Variants in SCML4 observed in about 807,000 individuals in gnomAD.
SCML4 encodes sex comb on midleg-like protein 4.
Under a neutral mutation model 41.1 loss-of-function variants are expected in SCML4, and 34 were observed. That is an observed-to-expected ratio of 0.83 (90% confidence interval 0.63 to 1.10). SCML4 has a LOEUF of 1.10. SCML4 is among the 50% of genes least tolerant of loss of function. The probability of loss-of-function intolerance (pLI) is 0.00; values close to 1 mark genes in which losing one functional copy is unlikely to be tolerated. For synonymous variants in SCML4, 214 were observed against 220.9 expected, an observed-to-expected ratio of 0.97 and a Z score of 0.28; for missense variants, 522 against 534.1, an observed-to-expected ratio of 0.98 and a Z score of 0.22.
chr6:107,824,333 C>T (rs1785157365), upstream of SCML4: 1 of 152,212 alleles, frequency 6.6e-6, no homozygotes, highest in Non-Finnish European at 1.5e-5. Context: ...AGGCAGAAAA[C>T]TCGATTTACC....
intron 1 of SCML4, among the ~76,000 whole-genome samples, chr6:107,803,506 G>A (rs1783451879): frequency 1.3e-5 from 2 of 149,692 alleles, no homozygotes; most frequent in Non-Finnish European, 3.0e-5. Flanking sequence ...CTACTGGGAA[G>A]TGAGGAGCCC....
intron 5 of SCML4, among the ~76,000 whole-genome samples, chr6:107,732,739 T>C (rs1469990251): frequency 6.6e-6 from 1 of 152,176 alleles, no homozygotes; most frequent in East Asian, 1.9e-4. Flanking sequence ...CTTATGAGAA[T>C]TCCCGAGAGC....
At chr6:107,844,092 A>C in the SCML4 span, among the ~76,000 whole-genome samples, 1 of 152,248 alleles carries the variant, frequency 6.6e-6, no homozygotes, top group Non-Finnish European at 1.5e-5. Flanking sequence ...ATGTGCTTGC[A>C]AAAGAAAAGC....
the SCML4 span, among the ~76,000 whole-genome samples, chr6:107,832,324 T>C: frequency 1 from 152,139 of 152,316 alleles, 75,983 homozygotes; most frequent in Middle Eastern, 1. Context: ...TGGTCAATAA[T>C]GTCACCAAAG....
At chr6:107,797,521 C>A (rs1042893789) in intron 1 of SCML4, among the ~76,000 whole-genome samples, 4 of 151,952 alleles carry the variant, frequency 2.6e-5, no homozygotes, top group African/African-American at 4.8e-5. Context: ...TATAGTAAGG[C>A]TTTTTGTACA....
intron 2 of SCML4, among the ~76,000 whole-genome samples, chr6:107,759,393 G>A (rs1002288664): frequency 1.4e-5 from 2 of 146,876 alleles, no homozygotes; most frequent in Non-Finnish European, 3.0e-5. Flanking sequence ...AGAATGGATG[G>A]GGAAGTGGAG....
In SCML4 at chr6:107,808,303, T is replaced by C. The variant is rs867662659; in HGVS notation, c.-60+15823A>G. 8.5e-5 allele frequency among the ~76,000 whole-genome samples: 13 copies of C among 152,304 alleles called. 1 individual carries two copies. In the South Asian group the frequency reaches 1.5e-3, roughly 17 times the overall value. Reference sequence around the variant, plus strand: ...CTCCTTGCCCATCAGAAAGATATTATCAAATCATGCAGCAAGAGAAGGTGA... The same window carrying C: ...CTCCTTGCCCATCAGAAAGATATTACCAAATCATGCAGCAAGAGAAGGTGA... On this transcript the variant is annotated intron_variant, in intron 1 of 7. Coordinates refer to ENST00000369020, the MANE Select transcript of SCML4 (RefSeq NM_198081.5).
intron 1 of SCML4, among the ~76,000 whole-genome samples, chr6:107,790,548 G>A (rs1012247151): frequency 5.9e-5 from 9 of 152,114 alleles, no homozygotes; most frequent in Middle Eastern, 3.2e-3. Context: ...TGCAACAGCC[G>A]TTAAGTCAAT....
intron 1 of SCML4, among the ~76,000 whole-genome samples, chr6:107,794,123 G>T (rs778335628): frequency 6.6e-6 from 1 of 152,214 alleles, no homozygotes; most frequent in Admixed American, 6.5e-5. Context: ...GACCCAAGGG[G>T]CAGAGGTAGT....
intron 1 of SCML4, among the ~76,000 whole-genome samples, chr6:107,815,914 C>G (rs939858427): frequency 6.6e-6 from 1 of 152,192 alleles, no homozygotes; most frequent in African/African-American, 2.4e-5. Flanking sequence ...TCAAAAATGC[C>G]TTTCGAAGTG....
chr6:107,721,814 C>T (rs866735411), intron 5 of SCML4, among the ~76,000 whole-genome samples: 4 of 152,234 alleles, frequency 2.6e-5, no homozygotes, highest in South Asian at 2.1e-4. Flanking sequence ...TCCTCCGCCA[C>T]GGCTAACAAG....
intron 2 of SCML4, among the ~76,000 whole-genome samples, chr6:107,750,816 C>G (rs1344422738): frequency 1.3e-5 from 2 of 152,192 alleles, no homozygotes; most frequent in Non-Finnish European, 2.9e-5. Flanking sequence ...TTTCTATGAG[C>G]TCCCAGGTAC....
At chr6:107,774,725 G>T (rs1780784490) in intron 1 of SCML4, among the ~76,000 whole-genome samples, 1 of 152,006 alleles carries the variant, frequency 6.6e-6, no homozygotes, top group Non-Finnish European at 1.5e-5. Flanking sequence ...GTCAACAAGA[G>T]AAAACCCATG....
chr6:107,749,532 TG>T, intron 3 of SCML4, 151 bp downstream of exon 3: 3 of 882,188 alleles, frequency 3.4e-6, no homozygotes, highest in Non-Finnish European at 5.4e-6. Context: ...TCAAAGACTC[TG>T]GTCATCCTGT....
rs191558900 is a variant in SCML4, at chr6:107,800,430, A to G, written c.-60+23696T>C. Among the ~76,000 whole-genome samples, 17 of 152,122 alleles carry G rather than the reference A, an allele frequency of 1.1e-4. No homozygotes were observed. In the East Asian group the frequency reaches 3.1e-3, roughly 28 times the overall value. On this transcript the variant is annotated intron_variant, in intron 1 of 7. Transcript: ENST00000369020. ...TTACCTGTTGTTTGCCCAATACCCAACCAGTCTCATCTATTTTTTGTTTAC... is the reference window on the plus strand; with the variant it reads ...TTACCTGTTGTTTGCCCAATACCCAGCCAGTCTCATCTATTTTTTGTTTAC...
intron 5 of SCML4, among the ~76,000 whole-genome samples, chr6:107,731,459 C>T (rs565729683): frequency 6.6e-6 from 1 of 152,338 alleles, no homozygotes; most frequent in Admixed American, 6.5e-5. Flanking sequence ...CTAAACAGTT[C>T]TGCCTGTTTG....
chr6:107,741,457 G>A (rs1178743158), intron 5 of SCML4, among the ~76,000 whole-genome samples: 1 of 152,228 alleles, frequency 6.6e-6, no homozygotes, highest in Non-Finnish European at 1.5e-5. Flanking sequence ...AGGAAGCATT[G>A]AGAGTGCCCG....
chr6:107,748,326 A>T (rs1446816662), intron 3 of SCML4, among the ~76,000 whole-genome samples: 1 of 152,178 alleles, frequency 6.6e-6, no homozygotes, highest in African/African-American at 2.4e-5. Context: ...CTGAAGAGGG[A>T]CTTTAAGAGG....
intron 6 of SCML4, among the ~76,000 whole-genome samples, chr6:107,718,123 C>A (rs1423507032): frequency 5.9e-5 from 9 of 152,224 alleles, no homozygotes; most frequent in Admixed American, 5.2e-4. Flanking sequence ...GGGCCTGATT[C>A]CAGGATGATA....
Sources: gnomAD v4.1 joint callset for allele counts (sites outside exome capture counted in the v4.1 genomes callset) on GRCh38, gnomAD v4.1.1 for gene constraint, MANE v1.5 for transcripts, NCBI Gene and HGNC (gene_info 2026-07-23, HGNC 2026-07-21) for gene names.